IL34: variants seen among roughly 807,000 people sequenced by gnomAD.
The protein encoded by IL34 is interleukin-34.
IL34 carries 17 observed loss-of-function variants against 25.3 expected under a neutral mutation model. The observed-to-expected ratio is 0.67, with a 90% confidence interval of 0.46 to 1.01. IL34 has a LOEUF of 1.01. IL34 is among the 50% of genes least tolerant of loss of function. IL34 has a pLI of 0.00. For synonymous variants in IL34, 174 were observed against 140.9 expected (o/e 1.23, Z -1.66); for missense variants, 368 against 312.9 (o/e 1.18, Z -1.33).
intron 1 of IL34, among the ~76,000 whole-genome samples, chr16:70,593,142 T>C (rs985384135): frequency 6.6e-6 from 1 of 152,208 alleles, no homozygotes; most frequent in African/African-American, 2.4e-5. Context: ...GTCCATTTTT[T>C]AACTGGGTTG....
intron 1 of IL34, among the ~76,000 whole-genome samples, chr16:70,625,984 G>C (rs917621944): frequency 6.6e-6 from 1 of 152,302 alleles, no homozygotes; most frequent in African/African-American, 2.4e-5. Context: ...TCCCAAGGGA[G>C]GTCCCCCGAT....
chr16:70,637,304 C>T (rs752019951), intron 1 of IL34, among the ~76,000 whole-genome samples: 22 of 151,948 alleles, frequency 1.4e-4, no homozygotes, highest in South Asian at 8.3e-4. Context: ...AGATTTTGTC[C>T]TAGAAGTTTT....
rs2052236057 is a variant in IL34, at chr16:70,656,810, C to T, written c.240+131C>T. The T allele has an allele frequency of 2.9e-6, 3 of 1,033,412 alleles. No individual in the cohort carries two copies. The African/African-American group carries it at 4.7e-5, about 16-fold the overall frequency. 64.0% of individuals were successfully genotyped at this position (1,033,412 alleles called of 1,614,324 possible). ...GCCTCTCCTCAGCCCCGAGAGCAGGCTGGCCCTTGGCCCAGGCACATGTTT... is the reference window on the plus strand; with the variant it reads ...GCCTCTCCTCAGCCCCGAGAGCAGGTTGGCCCTTGGCCCAGGCACATGTTT... On this transcript the variant is annotated intron_variant, in intron 3 of 5. Coordinates refer to ENST00000288098, the MANE Select transcript of IL34 (RefSeq NM_001393494.1).
intron 1 of IL34, among the ~76,000 whole-genome samples, chr16:70,606,932 A>G (rs1196971428): frequency 6.6e-6 from 1 of 152,084 alleles, no homozygotes; most frequent in African/African-American, 2.4e-5. Flanking sequence ...TGGACATACT[A>G]TAATTTTTTT....
intron 1 of IL34, among the ~76,000 whole-genome samples, chr16:70,602,709 ATTAT>A (rs911065899): frequency 1.3e-5 from 2 of 151,464 alleles, no homozygotes; most frequent in African/African-American, 4.9e-5. Flanking sequence ...TAATTAACTA[ATTAT>A]TTAATTTTTA....
intron 1 of IL34, among the ~76,000 whole-genome samples, chr16:70,621,259 A>G (rs897521341): frequency 6.6e-6 from 1 of 152,124 alleles, no homozygotes; most frequent in Non-Finnish European, 1.5e-5. Context: ...CGTCCCTGCA[A>G]TGATTAAACA....
intron 1 of IL34, among the ~76,000 whole-genome samples, chr16:70,639,724 G>T (rs570180640): frequency 6.6e-6 from 1 of 152,182 alleles, no homozygotes; most frequent in Non-Finnish European, 1.5e-5. Flanking sequence ...GGAGGCCGGG[G>T]TCGAGGATTG....
At chr16:70,625,721 C>T (rs954555341) in intron 1 of IL34, among the ~76,000 whole-genome samples, 6 of 152,260 alleles carry the variant, frequency 3.9e-5, no homozygotes, top group East Asian at 1.9e-4. Context: ...ACCGATAAAA[C>T]GTGTCTGCTT....
chr16:70,600,364 A>C (rs758054796), intron 1 of IL34, among the ~76,000 whole-genome samples: 1 of 152,182 alleles, frequency 6.6e-6, no homozygotes, highest in Non-Finnish European at 1.5e-5. Context: ...ATTGGCCTTG[A>C]AGATCATCAA....
upstream of IL34, among the ~76,000 whole-genome samples, chr16:70,643,583 C>G (rs375507850): frequency 6.6e-6 from 1 of 152,184 alleles, no homozygotes; most frequent in South Asian, 2.1e-4. Flanking sequence ...CTATGTTGCC[C>G]GGGCTGGTCT....
At position 70,660,307 on chromosome 16, in the gene IL34, G is replaced by T; in HGVS notation, c.*120G>T. On this transcript the variant is annotated 3_prime_UTR_variant, in exon 6 of 6. Coordinates refer to ENST00000288098, the MANE Select transcript of IL34 (RefSeq NM_001393494.1). ...CCCCTTGGGAGAGGACCCCTGGGAA[G>T]GGTGTTTTTCCTTTGAGGGGGATTC... 1 of 934,102 alleles carries T rather than the reference G, an allele frequency of 1.1e-6. No homozygotes were observed. Among genetic ancestry groups the T allele is most frequent in the East Asian group, 2.8e-5 (1 of 35,662 alleles). 57.9% of individuals were successfully genotyped at this position (934,102 alleles called of 1,614,324 possible).
upstream of IL34, among the ~76,000 whole-genome samples, chr16:70,643,753 C>T (rs544092066): frequency 5.9e-5 from 9 of 152,230 alleles, no homozygotes; most frequent in East Asian, 1.5e-3. Context: ...TTAAGATGCA[C>T]ATCAGAGATT....
chr16:70,599,351 TTCTC>T (rs1372710518), intron 1 of IL34, among the ~76,000 whole-genome samples: 6 of 151,176 alleles, frequency 4.0e-5, no homozygotes, highest in Non-Finnish European at 5.9e-5. Flanking sequence ...CTCTCTTTCT[TTCTC>T]TCTTTCTCTT....
In IL34 at chr16:70,659,646, C is replaced by T; in HGVS notation, c.431C>T (p.Ser144Phe). 6.2e-7 allele frequency: 1 copy of T among 1,611,908 alleles called. No individual in the cohort carries two copies. The highest frequency in any genetic ancestry group is 8.5e-7 in the Non-Finnish European group (1 of 1,178,646). Residue 144 changes from serine (S) to phenylalanine (F), a missense_variant, in exon 5 of 6, where the codon TCC becomes TTC. By Grantham distance (155) the Ser-to-Phe change is radical (BLOSUM62 -2). Coordinates refer to ENST00000288098, the MANE Select transcript of IL34 (RefSeq NM_001393494.1). ...TDVEVSPKVE[S>F]VLSLLNAPGP... ...GTGGAGGTCAGCCCCAAGGTGGAAT[C>T]CGTGTTGTCCCTCTTGAATGCCCCA... is the stretch of plus-strand genomic sequence containing the variant.
chr16:70,594,843 TG>T (rs1244220007), intron 1 of IL34, among the ~76,000 whole-genome samples: 1 of 152,062 alleles, frequency 6.6e-6, no homozygotes, highest in Admixed American at 6.6e-5. Flanking sequence ...GAGGAGGCTT[TG>T]GGAGGCTGCC....
chr16:70,618,725 G>GA lies in IL34; in HGVS notation c.-400-27822dup, dbSNP rs1451190048. On this transcript the variant is annotated intron_variant, in intron 1 of 6. Coordinates refer to the IL34 transcript ENST00000429149. ...TTGTAGAAGGTGCTGGGGTTTGAGA[G>GA]ATCAGTCGGACAGGGAGATCACGTG... Among the ~76,000 whole-genome samples the GA allele has an allele frequency of 5.3e-5, 8 of 152,298 alleles. No individual in the cohort carries two copies. In the East Asian group the frequency reaches 1.5e-3, roughly 29 times the overall value.
At position 70,660,345 on chromosome 16, in the gene IL34, G is replaced by T. The variant is rs2052375064; in HGVS notation, c.*158G>T. ...TTGAGGGGGATTCTGTGCCACAGCA[G>T]GGCTCAGCTTCCTGCCTTCCATAGC... is the stretch of plus-strand genomic sequence containing the variant. On this transcript the variant is annotated 3_prime_UTR_variant, in exon 6 of 6. Coordinates refer to ENST00000288098, the MANE Select transcript of IL34 (RefSeq NM_001393494.1). 1.5e-6 allele frequency: 1 copy of T among 647,608 alleles called. No individual in the cohort carries two copies. The allele number at this position is 647,608 out of a possible 1,614,324, so 40.1% of individuals were successfully genotyped here.
intron 1 of IL34, among the ~76,000 whole-genome samples, chr16:70,622,625 A>T (rs59710171): frequency 0.083 from 12,621 of 151,988 alleles, 1,721 homozygotes; most frequent in African/African-American, 0.29. Context: ...CAGGTGGATC[A>T]GAGAGATACA....
Position 70,660,021 on chromosome 16 carries a change from G to C in IL34, c.563G>C (p.Trp188Ser). The change falls in exon 6 of 6, where the codon TGG becomes TCG. Residue 188 changes from tryptophan to serine, a missense_variant. Coordinates refer to ENST00000288098, the MANE Select transcript of IL34 (RefSeq NM_001393494.1). ...GGTAAACAAAGCTCCGTCCTAAACT[G>C]GCAGGACTGTGAGGTGCCAAGTCCT... ...SCCKQSSVLN[W>S]QDCEVPSPQS... 1.9e-6 allele frequency: 3 copies of C among 1,602,398 alleles called. No individual in the cohort carries two copies. Among genetic ancestry groups the C allele is most frequent in the Non-Finnish European group, 2.6e-6 (3 of 1,176,260 alleles).
Sources: allele counts gnomAD v4.1 joint callset (sites outside exome capture counted in the v4.1 genomes callset), GRCh38; gene constraint gnomAD v4.1.1; transcripts MANE v1.5; gene names NCBI Gene and HGNC (gene_info 2026-07-23, HGNC 2026-07-21).